Variants in AUTS2 observed in about 807,000 individuals in gnomAD.
AUTS2 encodes the protein autism susceptibility gene 2 protein.
In AUTS2, 17 loss-of-function variants were observed where a neutral mutation model predicts 112.4. The ratio of observed to expected loss-of-function variants is 0.15; its 90% CI spans 0.10 to 0.23. The LOEUF (loss-of-function observed/expected upper bound fraction) is 0.23, where lower values mean the gene tolerates loss of function less well. Among genes scored for constraint, AUTS2 ranks in the 10% least tolerant of loss-of-function variants. AUTS2 has a pLI of 1.00. For synonymous variants in AUTS2, 751 were observed against 702.7 expected (o/e 1.07, Z -1.09); for missense variants, 1,510 against 1,701.6 (o/e 0.89, Z 1.98).
intron 5 of AUTS2, among the ~76,000 whole-genome samples, chr7:70,646,215 G>A (rs1183971736): frequency 6.6e-6 from 1 of 152,142 alleles, no homozygotes; most frequent in Non-Finnish European, 1.5e-5. Flanking sequence ...TGATCAATTT[G>A]TCATCCCTCT....
At chr7:70,217,050 A>AT (rs890919581) in intron 4 of AUTS2, among the ~76,000 whole-genome samples, 189 of 149,656 alleles carry the variant, frequency 1.3e-3, no homozygotes, top group African/African-American at 3.7e-3. Flanking sequence ...ACATAGGCGT[A>AT]TTTTTTTTTT....
intron 4 of AUTS2, among the ~76,000 whole-genome samples, chr7:70,139,340 A>G (rs1483846682): frequency 6.6e-6 from 1 of 152,156 alleles, no homozygotes; most frequent in East Asian, 1.9e-4. Context: ...ATTTCCCCAG[A>G]TAATACTCAC....
At chr7:69,817,025 C>T (rs918045118) in intron 1 of AUTS2, among the ~76,000 whole-genome samples, 4 of 152,170 alleles carry the variant, frequency 2.6e-5, no homozygotes, top group Admixed American at 6.5e-5. Flanking sequence ...TAGTACCTAT[C>T]TAGGAAGGCT....
At chr7:70,110,918 C>A (rs1805049678) in intron 2 of AUTS2, among the ~76,000 whole-genome samples, 1 of 129,630 alleles carries the variant, frequency 7.7e-6, no homozygotes, top group Non-Finnish European at 1.5e-5. Context: ...GTCGCCCAGG[C>A]TGGAGCGCAG....
intron 1 of AUTS2, among the ~76,000 whole-genome samples, chr7:69,655,783 G>T (rs1795501504): frequency 6.6e-6 from 1 of 152,158 alleles, no homozygotes; most frequent in Non-Finnish European, 1.5e-5. Flanking sequence ...GGAGGGCCGT[G>T]CCTTCCTGGG....
At chr7:70,337,365 G>A (rs1322821570) in intron 4 of AUTS2, among the ~76,000 whole-genome samples, 1 of 152,220 alleles carries the variant, frequency 6.6e-6, no homozygotes, top group Non-Finnish European at 1.5e-5. Context: ...AAGGCTCCGA[G>A]CTGACTATTG....
At chr7:69,985,515 C>G (rs1353307394) in intron 2 of AUTS2, among the ~76,000 whole-genome samples, 1 of 152,158 alleles carries the variant, frequency 6.6e-6, no homozygotes, top group Non-Finnish European at 1.5e-5. Context: ...TCCTCTAGGG[C>G]TTCTTATTAC....
chr7:70,498,885 G>A (rs901833324), intron 5 of AUTS2, among the ~76,000 whole-genome samples: 7 of 152,132 alleles, frequency 4.6e-5, no homozygotes, highest in Non-Finnish European at 1.0e-4. Flanking sequence ...CAGTAACAGC[G>A]CCCTGTCAGG....
At chr7:69,861,962 A>C (rs1235389928) in intron 1 of AUTS2, among the ~76,000 whole-genome samples, 1 of 152,090 alleles carries the variant, frequency 6.6e-6, no homozygotes, top group Non-Finnish European at 1.5e-5. Context: ...CCTCATAACC[A>C]AGTTTTTGAG....
intron 2 of AUTS2, among the ~76,000 whole-genome samples, chr7:70,033,500 G>A (rs1339420418): frequency 1.3e-5 from 2 of 152,182 alleles, no homozygotes; most frequent in Non-Finnish European, 2.9e-5. Flanking sequence ...TTTAGTTTGA[G>A]CTTGTGAATC....
intron 1 of AUTS2, among the ~76,000 whole-genome samples, chr7:69,838,048 A>G (rs534215014): frequency 6.6e-6 from 1 of 152,284 alleles, no homozygotes; most frequent in South Asian, 2.1e-4. Context: ...TAGCTGGTCT[A>G]CTACAAGCTG....
At chr7:70,138,445 A>G (rs1806684239) in intron 4 of AUTS2, among the ~76,000 whole-genome samples, 1 of 152,184 alleles carries the variant, frequency 6.6e-6, no homozygotes, top group Non-Finnish European at 1.5e-5. Context: ...TCCTGCTGTA[A>G]GGGAAGTACA....
intron 2 of AUTS2, among the ~76,000 whole-genome samples, chr7:69,935,941 C>T (rs1584465594): frequency 6.6e-6 from 1 of 152,160 alleles, no homozygotes; most frequent in Non-Finnish European, 1.5e-5. Flanking sequence ...CTAAAAAAGG[C>T]ATTTAGTATA....
At chr7:70,228,050 C>T (rs999526262) in intron 4 of AUTS2, among the ~76,000 whole-genome samples, 1 of 151,040 alleles carries the variant, frequency 6.6e-6, no homozygotes, top group East Asian at 1.9e-4. Context: ...TTGTTTGTGT[C>T]TCCCTTTAGT....
chr7:69,777,509 A>G (rs1261341836), intron 1 of AUTS2, among the ~76,000 whole-genome samples: 2 of 152,042 alleles, frequency 1.3e-5, no homozygotes, highest in East Asian at 3.9e-4. Flanking sequence ...TATGTAGATC[A>G]TTTCTTGGAA....
At chr7:70,147,393 C>G (rs1202970580) in intron 4 of AUTS2, among the ~76,000 whole-genome samples, 4 of 126,616 alleles carry the variant, frequency 3.2e-5, no homozygotes, top group Non-Finnish European at 7.1e-5. Flanking sequence ...TAGATGGAGG[C>G]AGAACTGGCT....
chr7:70,730,531 G>C (rs562120167), intron 6 of AUTS2, among the ~76,000 whole-genome samples: 1 of 152,076 alleles, frequency 6.6e-6, no homozygotes, highest in African/African-American at 2.4e-5. Flanking sequence ...TTCGTGTCTG[G>C]CTTCTTTCAC....
At chr7:70,310,915 A>G (rs945566932) in intron 4 of AUTS2, among the ~76,000 whole-genome samples, 1 of 152,094 alleles carries the variant, frequency 6.6e-6, no homozygotes, top group African/African-American at 2.4e-5. Flanking sequence ...AATAAGATGG[A>G]TTTTTTTAAA....
chr7:70,287,198 T>G (rs1207100775), intron 4 of AUTS2, among the ~76,000 whole-genome samples: 1 of 152,194 alleles, frequency 6.6e-6, no homozygotes, highest in Admixed American at 6.5e-5. Flanking sequence ...GTGAGTTTCA[T>G]GGACAGGGTC....
Sources: gnomAD v4.1 joint callset for allele counts (sites outside exome capture counted in the v4.1 genomes callset) on GRCh38, gnomAD v4.1.1 for gene constraint, MANE v1.5 for transcripts, NCBI Gene and HGNC (gene_info 2026-07-23, HGNC 2026-07-21) for gene names.